The following NCALD variants were observed in gnomAD, a reference collection of about 807,000 sequenced individuals.
NCALD encodes neurocalcin-delta.
In NCALD, 10 loss-of-function variants were observed where a neutral mutation model predicts 18.6. The observed-to-expected ratio is 0.54, with a 90% CI of 0.33 to 0.91. The LOEUF is 0.91. NCALD is among the 40% of genes least tolerant of loss of function. NCALD has a pLI of 0.03. For missense variants in NCALD, 184 were observed against 247.6 expected, an observed-to-expected ratio of 0.74 and a Z score of 1.72; for synonymous variants, 88 against 87.4, an observed-to-expected ratio of 1.01 and a Z score of -0.04.
intron 2 of NCALD, among the ~76,000 whole-genome samples, chr8:101,930,956 T>C (rs11997933): frequency 0.063 from 9,641 of 152,198 alleles, 771 homozygotes; most frequent in African/African-American, 0.19. Flanking sequence ...GCTTATACAA[T>C]TCCTTTTTTG....
chr8:102,119,610 T>C (rs1350858419), intron 1 of NCALD, among the ~76,000 whole-genome samples: 1 of 152,218 alleles, frequency 6.6e-6, no homozygotes, highest in East Asian at 1.9e-4. Flanking sequence ...AAAGGTTGTA[T>C]TCAAGAAATA....
At chr8:101,893,417 A>C (rs1220680859) in intron 3 of NCALD, among the ~76,000 whole-genome samples, 1 of 150,318 alleles carries the variant, frequency 6.7e-6, no homozygotes, top group African/African-American at 2.5e-5. Flanking sequence ...TCATGCCAAA[A>C]TGTAAAGACC....
intron 2 of NCALD, among the ~76,000 whole-genome samples, chr8:101,709,041 A>G (rs1029061402): frequency 2.0e-5 from 3 of 152,236 alleles, no homozygotes; most frequent in African/African-American, 7.2e-5. Context: ...TAAAACACAC[A>G]AACAAAGCAA....
intron 1 of NCALD, among the ~76,000 whole-genome samples, chr8:102,043,842 G>C (rs1407718077): frequency 6.6e-6 from 1 of 151,696 alleles, no homozygotes; most frequent in African/African-American, 2.4e-5. Flanking sequence ...CTTGGAAGGA[G>C]AAAATTACAT....
At chr8:101,700,576 C>T (rs6468786) in intron 2 of NCALD, among the ~76,000 whole-genome samples, 69,723 of 151,802 alleles carry the variant, frequency 0.46, 17,650 homozygotes, top group African/African-American at 0.66. Context: ...GACCTTTCAG[C>T]CTCTAAGGTT....
chr8:102,090,905 A>T (rs559026881), intron 1 of NCALD, among the ~76,000 whole-genome samples: 5 of 152,352 alleles, frequency 3.3e-5, no homozygotes, highest in Non-Finnish European at 7.3e-5. Flanking sequence ...TAAGGAATCA[A>T]ACTTGACTTG....
chr8:101,991,340 T>G (rs933452065), intron 2 of NCALD, among the ~76,000 whole-genome samples: 4 of 152,090 alleles, frequency 2.6e-5, no homozygotes, highest in African/African-American at 4.8e-5. Flanking sequence ...CTGCTACCCT[T>G]AGAGCAGCAA....
intron 1 of NCALD, among the ~76,000 whole-genome samples, chr8:101,776,543 G>C (rs117472681): frequency 6.6e-6 from 1 of 152,074 alleles, no homozygotes; most frequent in East Asian, 1.9e-4. Context: ...ACTGGAGTCG[G>C]AGGCATTGGA....
intron 4 of NCALD, among the ~76,000 whole-genome samples, chr8:101,809,871 C>A (rs2131133608): frequency 6.6e-6 from 1 of 152,152 alleles, no homozygotes; most frequent in African/African-American, 2.4e-5. Flanking sequence ...AAGATTGTTT[C>A]AAGACCATGA....
intron 2 of NCALD, among the ~76,000 whole-genome samples, chr8:101,954,636 G>C (rs1006712397): frequency 4.6e-5 from 7 of 152,304 alleles, no homozygotes; most frequent in African/African-American, 1.7e-4. Flanking sequence ...ACAAAGGGAG[G>C]AGAAGAGAGG....
intron 2 of NCALD, among the ~76,000 whole-genome samples, chr8:101,932,912 T>TAC (rs759820697): frequency 2.1e-4 from 32 of 152,300 alleles, no homozygotes; most frequent in East Asian, 1.3e-3. Flanking sequence ...TTATTACTTT[T>TAC]ACACACACAC....
At position 102,040,479 on chromosome 8, in the gene NCALD, A is replaced by AAAAAAG. The variant is rs1554584279; in HGVS notation, c.-209-20191_-209-20190insCTTTTT. 2.3e-3 allele frequency among the ~76,000 whole-genome samples: 347 copies of AAAAAAG among 150,832 alleles called. 2 individuals carry two copies. Among genetic ancestry groups the AAAAAAG allele is most frequent in the Admixed American group, 4.7e-3 (71 of 15,188 alleles). On this transcript the variant is annotated intron_variant, in intron 1 of 6. Transcript: ENST00000311028. ...ATAGAGTGAGAATCCATCAAAAAAA[A>AAAAAAG]AAAAGAAAAGAAAAGAAAGAAATCT...
intron 4 of NCALD, among the ~76,000 whole-genome samples, chr8:101,855,263 A>G (rs1399313175): frequency 6.6e-6 from 1 of 152,270 alleles, no homozygotes; most frequent in Middle Eastern, 3.4e-3. Flanking sequence ...ATAGGACTAT[A>G]TGACTAGCAC....
intron 1 of NCALD, 80 bp downstream of exon 1, chr8:101,790,782 T>C (rs1197105883): frequency 6.6e-6 from 1 of 152,168 alleles, no homozygotes; most frequent in Non-Finnish European, 1.5e-5. Context: ...GAATACAAAC[T>C]TGTAGGAGGT....
At chr8:101,837,708 C>A (rs1037253669) in intron 4 of NCALD, among the ~76,000 whole-genome samples, 2 of 152,184 alleles carry the variant, frequency 1.3e-5, no homozygotes, top group Non-Finnish European at 2.9e-5. Context: ...CCAAAAATAA[C>A]CATGCCCAGG....
Position 101,893,369 on chromosome 8 carries a change from A to C in NCALD, c.-106-6142T>G, listed in dbSNP as rs562821516. The stretch of plus-strand genomic sequence containing the variant: ...AAAAGAGCTCCTGAAGGAAGCGCTA[A>C]ACATGGAAAGGAACAACCAGTACCA... On this transcript the variant is annotated intron_variant, in intron 3 of 6. Transcript: ENST00000311028. Among the ~76,000 whole-genome samples the C allele has an allele frequency of 6.4e-3, 964 of 151,454 alleles. 3 individuals are homozygous for C. Among genetic ancestry groups the C allele is most frequent in the Non-Finnish European group, 0.011 (726 of 67,964 alleles).
At chr8:101,834,711 CTAAA>C (rs1814337649) in intron 4 of NCALD, among the ~76,000 whole-genome samples, 1 of 152,160 alleles carries the variant, frequency 6.6e-6, no homozygotes, top group Non-Finnish European at 1.5e-5. Flanking sequence ...TGCCTTCCCC[CTAAA>C]TAGTGACTCA....
At chr8:101,831,230 T>C (rs747033147) in intron 4 of NCALD, among the ~76,000 whole-genome samples, 3 of 152,174 alleles carry the variant, frequency 2.0e-5, no homozygotes, top group East Asian at 1.9e-4. Context: ...TGAAATAGCA[T>C]GAACCCTGGG....
intron 1 of NCALD, among the ~76,000 whole-genome samples, chr8:102,060,271 G>A (rs187005779): frequency 5.4e-4 from 82 of 152,332 alleles, no homozygotes; most frequent in Non-Finnish European, 1.1e-3. Flanking sequence ...ATGAGCCACT[G>A]CGCCCGGCCT....
Sources: gnomAD v4.1 joint callset for allele counts (sites outside exome capture counted in the v4.1 genomes callset) on GRCh38, gnomAD v4.1.1 for gene constraint, MANE v1.5 for transcripts, NCBI Gene and HGNC (gene_info 2026-07-23, HGNC 2026-07-21) for gene names.